The following ARHGEF12 variants were observed in gnomAD, a reference collection of about 807,000 sequenced individuals.
ARHGEF12 encodes the protein KMT2A/ARHGEF12 fusion protein.
Under a neutral mutation model 211.2 loss-of-function variants are expected in ARHGEF12, and 66 were observed. The ratio of observed to expected loss-of-function variants is 0.31; its 90% CI spans 0.26 to 0.38. The LOEUF (loss-of-function observed/expected upper bound fraction) is 0.38, where lower values mean the gene tolerates loss of function less well. ARHGEF12 is among the 10% of genes least tolerant of loss of function. The pLI, the probability that ARHGEF12 is intolerant of heterozygous loss-of-function variation, is 1.00. For synonymous variants in ARHGEF12, 592 were observed against 638.4 expected (o/e 0.93, Z 1.09); for missense variants, 1,429 against 1,869.5 (o/e 0.76, Z 4.34).
At position 120,487,385 on chromosome 11, in the gene ARHGEF12, A is replaced by T; in HGVS notation, c.*2308A>T. 4.6e-6 allele frequency: 1 copy of T among 219,292 alleles called. No homozygotes were observed. The highest frequency in any genetic ancestry group is 9.2e-6 in the Non-Finnish European group (1 of 109,286). The allele number at this position is 219,292 out of a possible 1,614,324, so 13.6% of individuals were successfully genotyped here. On this transcript the variant is annotated 3_prime_UTR_variant, in exon 41 of 41. Coordinates refer to ENST00000397843, the MANE Select transcript of ARHGEF12 (RefSeq NM_015313.3). ...ATTTTCAAACAAAGCCCCAAGATGA[A>T]GTCTAATTCTGAAAATATCTCACAA...
At position 120,446,992 on chromosome 11, in the gene ARHGEF12, C is replaced by T. The variant is rs753919820; in HGVS notation, c.1496C>T (p.Thr499Ile). 3.7e-6 allele frequency: 6 copies of T among 1,614,186 alleles called. No homozygotes were observed. The highest frequency in any genetic ancestry group is 5.1e-6 in the Non-Finnish European group (6 of 1,180,026). Reference sequence around the variant, plus strand: ...CTGACCTTGGCTGAAAGCGAGCTGACTAAACTTGATGCAGAGCGAGACAAG... The same window carrying T: ...CTGACCTTGGCTGAAAGCGAGCTGATTAAACTTGATGCAGAGCGAGACAAG... ...MGLTLAESEL[T>I]KLDAERDKDR... Residue 499 changes from threonine (T) to isoleucine (I), a missense_variant, in exon 18 of 41, where the codon ACT (threonine) becomes ATT (isoleucine). This residue lies in a region of ARHGEF12 where 373 missense variants were observed against 467.5 expected (regional missense o/e 0.80). Transcript: ENST00000397843.
chr11:120,470,641 C>T (rs2135953878), intron 30 of ARHGEF12, among the ~76,000 whole-genome samples: 1 of 152,332 alleles, frequency 6.6e-6, no homozygotes, highest in Non-Finnish European at 1.5e-5. Flanking sequence ...AGTATGATTA[C>T]AACTCTCTTG....
intron 29 of ARHGEF12, among the ~76,000 whole-genome samples, chr11:120,467,919 G>C (rs1291141901): frequency 6.6e-6 from 1 of 152,162 alleles, no homozygotes; most frequent in Non-Finnish European, 1.5e-5. Flanking sequence ...TACTGTCCCT[G>C]ATTGCTTTTA....
chr11:120,354,890 A>G (rs1943088530), intron 1 of ARHGEF12, among the ~76,000 whole-genome samples: 1 of 152,224 alleles, frequency 6.6e-6, no homozygotes, highest in Non-Finnish European at 1.5e-5. Context: ...AGGGAGATCT[A>G]CAGACATCCG....
intron 5 of ARHGEF12, 125 bp from the exon 6 acceptor site, chr11:120,421,678 C>G (rs573142354): frequency 3.5e-4 from 274 of 787,820 alleles, no homozygotes; most frequent in Admixed American, 2.9e-3. Context: ...CCTCGTGATC[C>G]GCCCGCCTCG....
chr11:120,387,475 A>C (rs1268615928), intron 1 of ARHGEF12, among the ~76,000 whole-genome samples: 1 of 152,116 alleles, frequency 6.6e-6, no homozygotes, highest in Non-Finnish European at 1.5e-5. Context: ...TATATAAGTA[A>C]CTTCATAATT....
At chr11:120,371,905 A>G (rs115268392) in intron 1 of ARHGEF12, among the ~76,000 whole-genome samples, 1,670 of 152,356 alleles carry the variant, frequency 0.011, 31 homozygotes, top group African/African-American at 0.038. Context: ...CATAAGTGAA[A>G]GAGCACTTTT....
chr11:120,460,623 T>A (rs751969127), intron 26 of ARHGEF12, 49 bp from the exon 27 acceptor site: 5 of 1,512,106 alleles, frequency 3.3e-6, no homozygotes, highest in Non-Finnish European at 4.6e-6. Context: ...CCAGTAATTC[T>A]GTCTACACTG....
chr11:120,359,121 C>T (rs577188309), intron 1 of ARHGEF12, among the ~76,000 whole-genome samples: 1 of 152,204 alleles, frequency 6.6e-6, no homozygotes, highest in South Asian at 2.1e-4. Flanking sequence ...GAGCTGACCT[C>T]AAAAGTCACA....
intron 27 of ARHGEF12, 109 bp from the exon 28 acceptor site, chr11:120,465,128 T>A: frequency 7.1e-7 from 1 of 1,406,302 alleles, no homozygotes; most frequent in Non-Finnish European, 9.9e-7. Flanking sequence ...CAGTTCTGTG[T>A]ATTTTGTCAC....
chr11:120,347,166 TCC>T lies in ARHGEF12; in HGVS notation c.32+9892_32+9893del, dbSNP rs1491189954. ...TTCCTTCCTTCCTTCCTTCCTTCCTTCCTTCCTTCCTTCCTTCCTTTCTTTCT... is the reference window on the plus strand; with the variant it reads ...TTCCTTCCTTCCTTCCTTCCTTCCTTTTCCTTCCTTCCTTCCTTTCTTTCT... On this transcript the variant is annotated intron_variant, in intron 1 of 40. Transcript: ENST00000397843. 3.4e-4 allele frequency among the ~76,000 whole-genome samples: 25 copies of T among 73,292 alleles called. 1 individual carries two copies. The East Asian group carries it at 3.7e-3, about 11-fold the overall frequency. The allele number at this position is 73,292 out of a possible 152,430, so 48.1% of individuals were successfully genotyped here.
chr11:120,476,940 T>A, intron 34 of ARHGEF12, 192 bp downstream of exon 34: 1 of 596,612 alleles, frequency 1.7e-6, no homozygotes, highest in Non-Finnish European at 2.9e-6. Flanking sequence ...ATTCTGAAAG[T>A]TTATTTCCTA....
intron 1 of ARHGEF12, among the ~76,000 whole-genome samples, chr11:120,347,118 CCTTT>C (rs1167186397): frequency 6.9e-4 from 104 of 149,778 alleles, no homozygotes; most frequent in African/African-American, 1.6e-3. Flanking sequence ...CCAGCCTCTC[CCTTT>C]CTTTCTTTCT....
intron 32 of ARHGEF12, among the ~76,000 whole-genome samples, chr11:120,475,112 C>T (rs1411178058): frequency 6.6e-6 from 1 of 152,154 alleles, no homozygotes; most frequent in Non-Finnish European, 1.5e-5. Context: ...CACAGCACCA[C>T]ACCCAGCTTG....
At chr11:120,362,302 A>G (rs910495722) in intron 1 of ARHGEF12, among the ~76,000 whole-genome samples, 5 of 152,216 alleles carry the variant, frequency 3.3e-5, no homozygotes, top group East Asian at 3.9e-4. Context: ...ATACTAAGCA[A>G]TAGTTTCAAT....
Position 120,487,149 on chromosome 11 carries a change from A to T in ARHGEF12, c.*2072A>T, listed in dbSNP as rs1833372258. 1 of 218,328 alleles carries T rather than the reference A, an allele frequency of 4.6e-6. No individual in the cohort carries two copies. Among genetic ancestry groups the T allele is most frequent in the South Asian group, 1.9e-4 (1 of 5,382 alleles). 13.5% of individuals were successfully genotyped at this position (218,328 alleles called of 1,614,324 possible). A position where few individuals can be genotyped will look rare whatever the true frequency, so the allele number is the denominator to read the frequency against. On this transcript the variant is annotated 3_prime_UTR_variant, in exon 41 of 41. Coordinates refer to ENST00000397843, the MANE Select transcript of ARHGEF12 (RefSeq NM_015313.3). ...ATATAAAAACTTTGCTCTTAACGTC[A>T]CACACTACAGGGTAATTATGTAATT... is the stretch of plus-strand genomic sequence containing the variant.
At chr11:120,413,751 A>C (rs1393014680) in intron 4 of ARHGEF12, among the ~76,000 whole-genome samples, 1 of 152,228 alleles carries the variant, frequency 6.6e-6, no homozygotes, top group Non-Finnish European at 1.5e-5. Flanking sequence ...ATGAGGTTGC[A>C]CATGGCCCTT....
At chr11:120,477,356 A>G in intron 35 of ARHGEF12, 51 bp downstream of exon 35, 1 of 1,607,762 alleles carries the variant, frequency 6.2e-7, no homozygotes, top group African/African-American at 1.3e-5. Context: ...TTTGGGTTGG[A>G]AAAGACTAGG....
chr11:120,406,611 T>C (rs1944711036), intron 2 of ARHGEF12, among the ~76,000 whole-genome samples: 1 of 152,200 alleles, frequency 6.6e-6, no homozygotes, highest in Non-Finnish European at 1.5e-5. Context: ...CAGCCTGGAG[T>C]GCAGTGGCGC....
Sources: allele counts gnomAD v4.1 joint callset (sites outside exome capture counted in the v4.1 genomes callset), GRCh38; gene constraint gnomAD v4.1.1; regional missense constraint gnomAD v4.1.1; transcripts MANE v1.5; gene names NCBI Gene and HGNC (gene_info 2026-07-23, HGNC 2026-07-21).